PITPNB: variants seen among roughly 807,000 people sequenced by gnomAD.
PITPNB encodes the protein phosphatidylinositol transfer protein beta.
Under a neutral mutation model 45.9 loss-of-function variants are expected in PITPNB, and 16 were observed. That is an observed-to-expected ratio of 0.35 (90% CI 0.24 to 0.53). PITPNB has a LOEUF of 0.53. PITPNB is among the 20% of genes least tolerant of loss of function. The pLI, the probability that PITPNB is intolerant of heterozygous loss-of-function variation, is 0.93. For synonymous variants in PITPNB, 112 were observed against 108.9 expected, an observed-to-expected ratio of 1.03 and a Z score of -0.18; for missense variants, 188 against 330.5, an observed-to-expected ratio of 0.57 and a Z score of 3.34.
In PITPNB at chr22:27,911,060, G is replaced by C. The variant is rs2146426922; in HGVS notation, c.101C>G (p.Thr34Ser). 6.2e-7 allele frequency: 1 copy of C among 1,611,056 alleles called. No homozygotes were observed. ...YSVAEASKNETGGGEGIEVLK... is the reference protein window; with the variant it reads ...YSVAEASKNESGGGEGIEVLK... The stretch of plus-strand genomic sequence containing the variant: ...GACTTCAATTCCTTCTCCACCACCA[G>C]TCTCATTCTTACTAGCTTCTGCAAC... The change falls in exon 3 of 12, where the codon ACT becomes AGT. Residue 34 changes from threonine to serine, a missense_variant. Coordinates refer to ENST00000335272, the MANE Select transcript of PITPNB (RefSeq NM_012399.5).
chr22:27,892,037 C>T (rs1463500459), intron 7 of PITPNB, among the ~76,000 whole-genome samples: 3 of 152,224 alleles, frequency 2.0e-5, no homozygotes, highest in African/African-American at 7.2e-5. Context: ...CCATACCTCA[C>T]AACACAGATC....
intron 7 of PITPNB, among the ~76,000 whole-genome samples, chr22:27,881,571 C>T (rs993197002): frequency 2.6e-5 from 4 of 152,172 alleles, no homozygotes; most frequent in Non-Finnish European, 5.9e-5. Flanking sequence ...ACCATAGGCC[C>T]GGCTAGGACT....
At chr22:27,861,005 T>C (rs950417242) in intron 8 of PITPNB, among the ~76,000 whole-genome samples, 3 of 108,366 alleles carry the variant, frequency 2.8e-5, no homozygotes, top group African/African-American at 1.1e-4. Context: ...CTGGGTAAGA[T>C]AGCAAGACCC....
intron 11 of PITPNB, among the ~76,000 whole-genome samples, chr22:27,854,184 C>T (rs1997739): frequency 0.86 from 130,190 of 152,028 alleles, 56,355 homozygotes; most frequent in East Asian, 1. Flanking sequence ...GATGACAGCA[C>T]ACTGTTGATT....
intron 6 of PITPNB, among the ~76,000 whole-genome samples, chr22:27,895,104 T>A (rs1344185884): frequency 1.3e-5 from 2 of 152,212 alleles, no homozygotes; most frequent in Admixed American, 6.5e-5. Context: ...TTCAGTATGA[T>A]GCCAACTCCT....
chr22:27,877,854 G>T (rs776462926), intron 7 of PITPNB, among the ~76,000 whole-genome samples: 1 of 152,056 alleles, frequency 6.6e-6, no homozygotes, highest in Admixed American at 6.6e-5. Flanking sequence ...ACCATGCATG[G>T]GTTACTAGAG....
chr22:27,878,762 T>G (rs765460167), intron 7 of PITPNB, among the ~76,000 whole-genome samples: 2 of 152,238 alleles, frequency 1.3e-5, no homozygotes, highest in Admixed American at 6.5e-5. Context: ...AGCATTCATT[T>G]GCATATAATT....
intron 4 of PITPNB, among the ~76,000 whole-genome samples, chr22:27,897,396 A>T (rs555044856): frequency 6.6e-6 from 1 of 152,394 alleles, no homozygotes; most frequent in African/African-American, 2.4e-5. Context: ...AATGTCACAA[A>T]AGCAAAACAT....
At chr22:27,914,201 G>C (rs1171297741) in intron 2 of PITPNB, 116 bp downstream of exon 2, 21 of 682,930 alleles carry the variant, frequency 3.1e-5, no homozygotes, top group Middle Eastern at 2.8e-4. Flanking sequence ...AATTAATTTT[G>C]TCACATAAGG....
chr22:27,865,043 A>G (rs1338126536), intron 8 of PITPNB, among the ~76,000 whole-genome samples: 2 of 152,250 alleles, frequency 1.3e-5, no homozygotes, highest in African/African-American at 4.8e-5. Flanking sequence ...TGTATGGTAC[A>G]AACATTCCTA....
At chr22:27,910,699 G>C (rs970693822) in intron 3 of PITPNB, 4 of 324,602 alleles carry the variant, frequency 1.2e-5, no homozygotes, top group African/African-American at 8.3e-5. Flanking sequence ...TAAACTCTAA[G>C]CTGCTTCTAG....
intron 3 of PITPNB, among the ~76,000 whole-genome samples, chr22:27,907,198 A>G (rs1182864456): frequency 6.6e-6 from 1 of 152,250 alleles, no homozygotes; most frequent in Non-Finnish European, 1.5e-5. Flanking sequence ...AAAACTAGCT[A>G]GGGACTATGG....
intron 10 of PITPNB, among the ~76,000 whole-genome samples, chr22:27,856,230 G>C (rs1934167903): frequency 6.6e-6 from 1 of 152,186 alleles, no homozygotes; most frequent in Non-Finnish European, 1.5e-5. Context: ...TTTATGAGGG[G>C]GTTAATCAGT....
chr22:27,898,508 C>G (rs1246462276), intron 3 of PITPNB, among the ~76,000 whole-genome samples: 5 of 151,728 alleles, frequency 3.3e-5, no homozygotes, highest in African/African-American at 1.2e-4. Context: ...GAGTTAACAG[C>G]TATTCAATCT....
chr22:27,885,212 T>TAAAAAAAAAAAAAAAAAAAAAAAAAAAAA lies in PITPNB; in HGVS notation c.456+9314_456+9342dup, dbSNP rs71194746. Among the ~76,000 whole-genome samples the TAAAAAAAAAAAAAAAAAAAAAAAAAAAAA allele has an allele frequency of 2.0e-4, 6 of 30,234 alleles. 1 individual carries two copies. The highest frequency in any genetic ancestry group is 1.4e-3 in the South Asian group (1 of 702). The allele number at this position is 30,234 out of a possible 152,430, so 19.8% of individuals were successfully genotyped here. On this transcript the variant is annotated intron_variant, in intron 7 of 11. Transcript: ENST00000335272. ...AAAGAGCCAGATTCAAATTTATACCTAAAAAAAAAAAAAAAAAAAAAAAAA... is the reference window on the plus strand; with the variant it reads ...AAAGAGCCAGATTCAAATTTATACCTAAAAAAAAAAAAAAAAAAAAAAAAAAAAAAAAAAAAAAAAAAAAAAAAAAAAAA...
intron 9 of PITPNB, among the ~76,000 whole-genome samples, chr22:27,858,744 T>G (rs1934238962): frequency 1.3e-5 from 2 of 152,150 alleles, no homozygotes; most frequent in African/African-American, 4.8e-5. Flanking sequence ...GGCAAAGGTG[T>G]CATGATCTAG....
At chr22:27,885,295 A>AATGTGCTGAAGATATGC (rs200977580) in intron 7 of PITPNB, among the ~76,000 whole-genome samples, 2,209 of 144,708 alleles carry the variant, frequency 0.015, 33 homozygotes, top group Non-Finnish European at 0.023. Flanking sequence ...ATATTTTGGA[A>AATGTGCTGAAGATATGC]ATGTGCTGAA....
At chr22:27,867,089 A>G (rs921482691) in intron 8 of PITPNB, among the ~76,000 whole-genome samples, 6 of 152,196 alleles carry the variant, frequency 3.9e-5, no homozygotes, top group African/African-American at 9.6e-5. Flanking sequence ...GGGAAGTCCA[A>G]TATTTGATTT....
chr22:27,858,318 T>C, intron 10 of PITPNB, 69 bp downstream of exon 10: 1 of 1,211,350 alleles, frequency 8.3e-7, no homozygotes, highest in Non-Finnish European at 1.2e-6. Context: ...TAACTCTGTA[T>C]TTACCAAGCA....
Sources: gnomAD v4.1 joint callset for allele counts (sites outside exome capture counted in the v4.1 genomes callset) on GRCh38, gnomAD v4.1.1 for gene constraint, MANE v1.5 for transcripts, NCBI Gene and HGNC (gene_info 2026-07-23, HGNC 2026-07-21) for gene names.